XKR4: variants seen among roughly 807,000 people sequenced by gnomAD.
XKR4 encodes XK related 4, also known as XK-related protein 4.
Under a neutral mutation model 53.9 loss-of-function variants are expected in XKR4, and 12 were observed. That is an observed-to-expected ratio of 0.22 (90% CI 0.14 to 0.36). The LOEUF is 0.36. XKR4 is among the 10% of genes least tolerant of loss of function. The probability of loss-of-function intolerance (pLI) is 1.00; values close to 1 mark genes in which losing one functional copy is unlikely to be tolerated. For synonymous variants in XKR4, 354 were observed against 362.4 expected, an observed-to-expected ratio of 0.98 and a Z score of 0.26; for missense variants, 799 against 859.5, an observed-to-expected ratio of 0.93 and a Z score of 0.88.
At chr8:55,188,096 T>C (rs964612024) in intron 1 of XKR4, among the ~76,000 whole-genome samples, 14 of 152,214 alleles carry the variant, frequency 9.2e-5, no homozygotes, top group Admixed American at 7.2e-4. Context: ...TTCTGTTTTA[T>C]AATATAAGAC....
chr8:55,464,452 A>T (rs918957346), intron 2 of XKR4, among the ~76,000 whole-genome samples: 1 of 152,168 alleles, frequency 6.6e-6, no homozygotes, highest in Non-Finnish European at 1.5e-5. Flanking sequence ...ACTCTCAATA[A>T]ATTATGTATT....
intron 1 of XKR4, among the ~76,000 whole-genome samples, chr8:55,251,908 C>A (rs896889385): frequency 6.6e-6 from 1 of 152,172 alleles, no homozygotes; most frequent in African/African-American, 2.4e-5. Flanking sequence ...TATCTGGTAA[C>A]TTTTTATCAT....
chr8:55,124,984 T>C (rs530431986), intron 1 of XKR4, among the ~76,000 whole-genome samples: 1 of 152,356 alleles, frequency 6.6e-6, no homozygotes, highest in African/African-American at 2.4e-5. Flanking sequence ...TTTAATAAAG[T>C]TCTATCAAGT....
chr8:55,435,631 A>G (rs1279647734), intron 2 of XKR4, among the ~76,000 whole-genome samples: 1 of 150,470 alleles, frequency 6.6e-6, no homozygotes, highest in Admixed American at 6.6e-5. Flanking sequence ...GTGCAGTGGC[A>G]TGAACACAGC....
chr8:55,466,258 C>A (rs1175915219), intron 2 of XKR4, among the ~76,000 whole-genome samples: 3 of 152,094 alleles, frequency 2.0e-5, no homozygotes, highest in African/African-American at 7.3e-5. Context: ...CAATGATAGA[C>A]TGGATGAAGA....
chr8:55,511,320 C>A (rs1806622017), intron 2 of XKR4, among the ~76,000 whole-genome samples: 1 of 152,114 alleles, frequency 6.6e-6, no homozygotes, highest in Non-Finnish European at 1.5e-5. Context: ...CAATTTCTGC[C>A]AGAAATTATT....
chr8:55,135,511 T>C (rs895192012), intron 1 of XKR4: 3 of 439,638 alleles, frequency 6.8e-6, no homozygotes, highest in Non-Finnish European at 1.4e-5. Flanking sequence ...CCATCTGTAA[T>C]GTTAACTCTT....
Position 55,529,914 on chromosome 8 carries a change from C to T in XKR4, c.*5687C>T, listed in dbSNP as rs918953611. 2.6e-5 allele frequency: 4 copies of T among 152,132 alleles called. No homozygotes were observed. Among genetic ancestry groups the T allele is most frequent in the Admixed American group, 6.5e-5 (1 of 15,280 alleles). The allele number at this position is 152,132 out of a possible 1,614,324, so 9.4% of individuals were successfully genotyped here. ...CTAACTCATAGTAGGCAGATAAATG[C>T]TATTCTTCCATTCCAGGCAACTGTC... On this transcript the variant is annotated 3_prime_UTR_variant, in exon 3 of 3. Coordinates refer to ENST00000327381, the MANE Select transcript of XKR4 (RefSeq NM_052898.2).
rs142026981 is a variant in XKR4, at chr8:55,158,325, C to A, written c.806+55031C>A. Among the ~76,000 whole-genome samples, 308 of 152,122 alleles carry A rather than the reference C, an allele frequency of 2.0e-3. 2 individuals are homozygous for A. The highest frequency in any genetic ancestry group is 7.1e-3 in the African/African-American group (294 of 41,514). ...TTCTTCTGAAAAGTGTCTGTTCATG[C>A]CTTTGACTACTTTTTAATGAGGTTA... On this transcript the variant is annotated intron_variant, in intron 1 of 2. Coordinates refer to ENST00000327381, the MANE Select transcript of XKR4 (RefSeq NM_052898.2).
chr8:55,303,626 C>T (rs1171900154), intron 1 of XKR4, among the ~76,000 whole-genome samples: 1 of 152,172 alleles, frequency 6.6e-6, no homozygotes, highest in Non-Finnish European at 1.5e-5. Flanking sequence ...CCATCTGGTC[C>T]TGGACTTTTT....
intron 1 of XKR4, among the ~76,000 whole-genome samples, chr8:55,291,763 T>C (rs1819024291): frequency 6.6e-6 from 1 of 152,198 alleles, no homozygotes; most frequent in South Asian, 2.1e-4. Context: ...TATTTGTAGA[T>C]TCTTTGGGAT....
At chr8:55,449,785 C>T in intron 2 of XKR4, 1 of 1,195,440 alleles carries the variant, frequency 8.4e-7, no homozygotes, top group Non-Finnish European at 1.2e-6. Context: ...AGCGGGCCTT[C>T]CAGGGCTTCA....
chr8:55,475,267 T>C (rs1033331478), intron 2 of XKR4, among the ~76,000 whole-genome samples: 2 of 152,090 alleles, frequency 1.3e-5, no homozygotes, highest in Admixed American at 6.5e-5. Flanking sequence ...GCACTATATG[T>C]GATGGCCCAG....
intron 2 of XKR4, among the ~76,000 whole-genome samples, chr8:55,440,805 A>G (rs966910210): frequency 2.6e-5 from 4 of 152,190 alleles, no homozygotes; most frequent in African/African-American, 4.8e-5. Context: ...TACATCTACA[A>G]TAACAATAAT....
chr8:55,253,250 AT>A (rs1004895312), intron 1 of XKR4, among the ~76,000 whole-genome samples: 18 of 151,768 alleles, frequency 1.2e-4, no homozygotes, highest in African/African-American at 3.1e-4. Flanking sequence ...AAAAAAAAAA[AT>A]ATGACTAAAA....
intron 2 of XKR4, among the ~76,000 whole-genome samples, chr8:55,412,286 C>A (rs909396539): frequency 7.9e-5 from 12 of 152,290 alleles, no homozygotes; most frequent in Admixed American, 6.5e-4. Context: ...TCTAAAGCTG[C>A]AGTGGGAGGG....
At chr8:55,353,718 G>A (rs1283643625) in intron 1 of XKR4, among the ~76,000 whole-genome samples, 5 of 152,212 alleles carry the variant, frequency 3.3e-5, no homozygotes, top group Non-Finnish European at 7.3e-5. Flanking sequence ...CAGAGAATCA[G>A]GAAAGGCTAT....
At chr8:55,141,484 G>C (rs1585900500) in intron 1 of XKR4, among the ~76,000 whole-genome samples, 1 of 152,028 alleles carries the variant, frequency 6.6e-6, no homozygotes, top group African/African-American at 2.4e-5. Context: ...AGGGTCACAC[G>C]AGTCAGAAAC....
chr8:55,244,574 T>C (rs563648119), intron 1 of XKR4, among the ~76,000 whole-genome samples: 5 of 152,378 alleles, frequency 3.3e-5, no homozygotes, highest in Admixed American at 6.5e-5. Flanking sequence ...TTCCTTTGCG[T>C]ATATACCTAA....
Sources: allele counts gnomAD v4.1 joint callset (sites outside exome capture counted in the v4.1 genomes callset), GRCh38; gene constraint gnomAD v4.1.1; transcripts MANE v1.5; gene names NCBI Gene and HGNC (gene_info 2026-07-23, HGNC 2026-07-21).